KCTD8: variants seen among roughly 807,000 people sequenced by gnomAD.
The protein encoded by KCTD8 is potassium channel tetramerization domain containing 8, also known as BTB/POZ domain-containing protein KCTD8.
Under a neutral mutation model 31.5 loss-of-function variants are expected in KCTD8, and 27 were observed. That is an observed-to-expected ratio of 0.86 (90% CI 0.63 to 1.18). KCTD8 has a LOEUF of 1.18. Among genes scored for constraint, KCTD8 ranks in the 50% most tolerant of loss-of-function variants. KCTD8 has a pLI of 0.00. For missense variants in KCTD8, 658 were observed against 647.7 expected (o/e 1.02, Z -0.17); for synonymous variants, 290 against 280.0 (o/e 1.04, Z -0.36).
chr4:44,180,543 G>A (rs986488679), intron 1 of KCTD8, among the ~76,000 whole-genome samples: 5 of 151,610 alleles, frequency 3.3e-5, no homozygotes, highest in African/African-American at 4.9e-5. Context: ...CCTAGGTCAT[G>A]CCTCTCCAAT....
chr4:44,339,036 A>G (rs1167271821), intron 1 of KCTD8, among the ~76,000 whole-genome samples: 1 of 152,204 alleles, frequency 6.6e-6, no homozygotes, highest in East Asian at 1.9e-4. Flanking sequence ...AGCTGTCTGA[A>G]GGCCACACGT....
At chr4:44,185,769 T>G (rs78776371) in intron 1 of KCTD8, among the ~76,000 whole-genome samples, 9,204 of 151,820 alleles carry the variant, frequency 0.061, 329 homozygotes, top group East Asian at 0.13. Context: ...TAATAACCCA[T>G]AGTTGTTTGT....
chr4:44,196,931 A>C (rs1366931481), intron 1 of KCTD8, among the ~76,000 whole-genome samples: 1 of 152,174 alleles, frequency 6.6e-6, no homozygotes, highest in Non-Finnish European at 1.5e-5. Context: ...GCTGGGGAGC[A>C]GTCAGACTGC....
At chr4:44,437,801 G>A (rs907864307) in intron 1 of KCTD8, among the ~76,000 whole-genome samples, 2 of 150,432 alleles carry the variant, frequency 1.3e-5, no homozygotes. Context: ...GAAAAGTAAA[G>A]AACCACAAAA....
At chr4:44,287,198 C>A (rs1034854388) in intron 1 of KCTD8, among the ~76,000 whole-genome samples, 2 of 152,014 alleles carry the variant, frequency 1.3e-5, no homozygotes. Flanking sequence ...AGGAGGAATG[C>A]TTGAGCCCAT....
chr4:44,346,205 G>A lies in KCTD8; in HGVS notation c.961+101358C>T, dbSNP rs143137702. ...GATCACATGTACATTTCTATATCTC[G>A]AAGGCTCAGCTTTTTCAAAATGACC... On this transcript the variant is annotated intron_variant, in intron 1 of 1. Transcript: ENST00000360029. 1.6e-3 allele frequency among the ~76,000 whole-genome samples: 242 copies of A among 152,086 alleles called. 5 individuals carry two copies. In the East Asian group the frequency reaches 0.036, roughly 23 times the overall value.
At chr4:44,287,586 C>T (rs1456770719) in intron 1 of KCTD8, among the ~76,000 whole-genome samples, 1 of 152,194 alleles carries the variant, frequency 6.6e-6, no homozygotes, top group Admixed American at 6.5e-5. Context: ...CTCTTCCTTA[C>T]ATTAGGCCAA....
intron 1 of KCTD8, among the ~76,000 whole-genome samples, chr4:44,376,982 T>C (rs369234523): frequency 8.0e-4 from 122 of 152,284 alleles, no homozygotes; most frequent in African/African-American, 2.6e-3. Flanking sequence ...AGAAAAGACT[T>C]GTCTCCAACA....
At chr4:44,301,452 T>C (rs964207190) in intron 1 of KCTD8, among the ~76,000 whole-genome samples, 1 of 152,224 alleles carries the variant, frequency 6.6e-6, no homozygotes, top group African/African-American at 2.4e-5. Context: ...TTGATTTGCA[T>C]TTCTCTGATG....
At chr4:44,359,820 A>G (rs1246076355) in intron 1 of KCTD8, among the ~76,000 whole-genome samples, 1 of 152,098 alleles carries the variant, frequency 6.6e-6, no homozygotes, top group Non-Finnish European at 1.5e-5. Flanking sequence ...ATTTGCATGT[A>G]GTTTTTTCCT....
intron 1 of KCTD8, among the ~76,000 whole-genome samples, chr4:44,230,315 C>A (rs115901093): frequency 6.6e-6 from 1 of 152,086 alleles, no homozygotes; most frequent in East Asian, 1.9e-4. Flanking sequence ...GTTCTGCCCA[C>A]GACAACTTTA....
intron 1 of KCTD8, among the ~76,000 whole-genome samples, chr4:44,204,520 C>A (rs779926422): frequency 2.0e-5 from 3 of 152,126 alleles, no homozygotes; most frequent in Non-Finnish European, 2.9e-5. Flanking sequence ...CTTCCTCAAT[C>A]CATCACGACC....
At chr4:44,295,118 C>T (rs778517405) in intron 1 of KCTD8, among the ~76,000 whole-genome samples, 1 of 151,956 alleles carries the variant, frequency 6.6e-6, no homozygotes, top group Non-Finnish European at 1.5e-5. Context: ...TGTGGGGAGA[C>T]CCTGTCTCCA....
chr4:44,445,811 T>C (rs1041372296), intron 1 of KCTD8, among the ~76,000 whole-genome samples: 1 of 152,190 alleles, frequency 6.6e-6, no homozygotes, highest in Non-Finnish European at 1.5e-5. Flanking sequence ...GAAATCTACA[T>C]TGAAATGACT....
At chr4:44,447,521 G>A in intron 1 of KCTD8, 42 bp downstream of exon 1, 1 of 1,481,444 alleles carries the variant, frequency 6.8e-7, no homozygotes, top group Non-Finnish European at 9.0e-7. Flanking sequence ...CGGCTCAGCA[G>A]GGGGCGAGGG....
intron 1 of KCTD8, among the ~76,000 whole-genome samples, chr4:44,201,282 T>C (rs148577660): frequency 6.6e-6 from 1 of 152,056 alleles, no homozygotes; most frequent in Non-Finnish European, 1.5e-5. Context: ...ACCAATATCA[T>C]TTTTCACAGA....
intron 1 of KCTD8, among the ~76,000 whole-genome samples, chr4:44,305,884 T>C (rs1266297941): frequency 6.6e-6 from 1 of 151,896 alleles, no homozygotes; most frequent in African/African-American, 2.4e-5. Flanking sequence ...TTTCTGTACA[T>C]GGAGGATTCA....
intron 1 of KCTD8, among the ~76,000 whole-genome samples, chr4:44,179,519 T>TA (rs1044202732): frequency 9.5e-5 from 14 of 147,934 alleles, no homozygotes; most frequent in African/African-American, 3.2e-4. Context: ...TTATATATTT[T>TA]TATATATATA....
intron 1 of KCTD8, among the ~76,000 whole-genome samples, chr4:44,417,837 T>C (rs1339805253): frequency 6.6e-6 from 1 of 152,124 alleles, no homozygotes; most frequent in Non-Finnish European, 1.5e-5. Context: ...AAGTATGCCA[T>C]TGCTAAGTGT....
Sources: allele counts gnomAD v4.1 joint callset (sites outside exome capture counted in the v4.1 genomes callset), GRCh38; gene constraint gnomAD v4.1.1; transcripts MANE v1.5; gene names NCBI Gene and HGNC (gene_info 2026-07-23, HGNC 2026-07-21).